Variants in ABL1 observed in about 807,000 individuals in gnomAD.
The protein encoded by ABL1 is tyrosine-protein kinase ABL1.
A neutral mutation model predicts 94.7 loss-of-function variants in ABL1; 11 were observed. The ratio of observed to expected loss-of-function variants is 0.12; its 90% CI spans 0.07 to 0.19. The LOEUF (loss-of-function observed/expected upper bound fraction) is 0.19, where lower values mean the gene tolerates loss of function less well. Among genes scored for constraint, ABL1 ranks in the 10% least tolerant of loss-of-function variants. The pLI, the probability that ABL1 is intolerant of heterozygous loss-of-function variation, is 1.00. For missense variants in ABL1, 1,082 were observed against 1,489.4 expected, an observed-to-expected ratio of 0.73 and a Z score of 4.50; for synonymous variants, 656 against 622.4, an observed-to-expected ratio of 1.05 and a Z score of -0.80.
chr9:130,742,360 T>C (rs1831830987), intron 1 of ABL1, among the ~76,000 whole-genome samples: 1 of 152,158 alleles, frequency 6.6e-6, no homozygotes, highest in Non-Finnish European at 1.5e-5. Context: ...TTTTTCTCCA[T>C]TGGCTAGAAG....
intron 1 of ABL1, among the ~76,000 whole-genome samples, chr9:130,794,001 G>C (rs1829941894): frequency 6.6e-6 from 1 of 152,100 alleles, no homozygotes; most frequent in Non-Finnish European, 1.5e-5. Flanking sequence ...CTAGTTGCAG[G>C]AAAACAAGCT....
intron 1 of ABL1, among the ~76,000 whole-genome samples, chr9:130,717,870 G>A (rs181868670): frequency 1.4e-4 from 21 of 152,018 alleles, no homozygotes; most frequent in East Asian, 7.7e-4. Flanking sequence ...AAAATTAGCC[G>A]GGCGTGGTGG....
At chr9:130,747,248 T>G (rs888972541) in intron 1 of ABL1, among the ~76,000 whole-genome samples, 2 of 152,104 alleles carry the variant, frequency 1.3e-5, no homozygotes, top group African/African-American at 4.8e-5. Flanking sequence ...CATGGTGGCA[T>G]GCACCTGTAG....
intron 1 of ABL1, among the ~76,000 whole-genome samples, chr9:130,810,205 A>G (rs1830188969): frequency 2.0e-5 from 3 of 152,150 alleles, no homozygotes; most frequent in African/African-American, 7.2e-5. Context: ...TAAAGACATG[A>G]AAGATGATGG....
At chr9:130,772,097 G>A (rs1474990717) in intron 1 of ABL1, among the ~76,000 whole-genome samples, 1 of 152,150 alleles carries the variant, frequency 6.6e-6, no homozygotes, top group Non-Finnish European at 1.5e-5. Context: ...AACTGCCTTA[G>A]GGAGAATAAT....
intron 1 of ABL1, among the ~76,000 whole-genome samples, chr9:130,769,976 A>G (rs918926658): frequency 6.6e-6 from 1 of 152,164 alleles, no homozygotes; most frequent in Non-Finnish European, 1.5e-5. Context: ...TTCATTCAAT[A>G]TAATGGGTGA....
At chr9:130,737,564 C>T (rs1379757530) in intron 1 of ABL1, among the ~76,000 whole-genome samples, 1 of 152,150 alleles carries the variant, frequency 6.6e-6, no homozygotes, top group Non-Finnish European at 1.5e-5. Context: ...CCACCACACC[C>T]AGCCACCTGG....
intron 1 of ABL1, among the ~76,000 whole-genome samples, chr9:130,850,379 C>T (rs1287667511): frequency 1.3e-5 from 2 of 152,116 alleles, no homozygotes; most frequent in African/African-American, 4.8e-5. Context: ...AGTGGGAATG[C>T]GTAGTGAATG....
chr9:130,715,521 C>T (rs372092868), intron 1 of ABL1, among the ~76,000 whole-genome samples: 203 of 152,198 alleles, frequency 1.3e-3, no homozygotes, highest in African/African-American at 4.6e-3. Context: ...TAAATAAATC[C>T]GGGTGCTTGG....
intron 1 of ABL1, among the ~76,000 whole-genome samples, chr9:130,849,285 G>A (rs1205832018): frequency 6.6e-6 from 1 of 152,112 alleles, no homozygotes; most frequent in African/African-American, 2.4e-5. Flanking sequence ...TGATCACTTA[G>A]GATAAATTCC....
At chr9:130,847,850 G>A (rs1255100821) in intron 1 of ABL1, among the ~76,000 whole-genome samples, 2 of 152,078 alleles carry the variant, frequency 1.3e-5, no homozygotes, top group African/African-American at 4.8e-5. Flanking sequence ...AGCATCTGTC[G>A]ACATGTTCGG....
chr9:130,721,821 T>TTG (rs1491056409), intron 1 of ABL1, among the ~76,000 whole-genome samples: 2 of 92,508 alleles, frequency 2.2e-5, no homozygotes, highest in East Asian at 1.6e-3. Context: ...GGTTTTTTTT[T>TTG]GTTTTTTTTT....
intron 4 of ABL1, among the ~76,000 whole-genome samples, chr9:130,866,389 T>C (rs1831157317): frequency 6.6e-6 from 1 of 152,194 alleles, no homozygotes; most frequent in African/African-American, 2.4e-5. Context: ...TTACTTCCTT[T>C]GCAGTTTGTG....
chr9:130,883,060 C>T (rs1293846851), intron 10 of ABL1, among the ~76,000 whole-genome samples: 4 of 152,134 alleles, frequency 2.6e-5, no homozygotes, highest in Admixed American at 2.6e-4. Context: ...ATCTGATAAC[C>T]GGCTCTGATG....
chr9:130,840,645 T>G (rs981959042), intron 1 of ABL1, among the ~76,000 whole-genome samples: 3 of 152,198 alleles, frequency 2.0e-5, no homozygotes, highest in Non-Finnish European at 4.4e-5. Flanking sequence ...TTCATAGGTT[T>G]GTTTGTTCTT....
At chr9:130,750,168 C>A (rs1414878617) in intron 1 of ABL1, among the ~76,000 whole-genome samples, 3 of 141,108 alleles carry the variant, frequency 2.1e-5, no homozygotes, top group East Asian at 2.0e-4. Context: ...ACAACAGAGA[C>A]CCTGACTCAA....
chr9:130,807,363 C>T (rs992621367), intron 1 of ABL1, among the ~76,000 whole-genome samples: 1 of 151,918 alleles, frequency 6.6e-6, no homozygotes, highest in African/African-American at 2.4e-5. Flanking sequence ...ATTCTCATGC[C>T]TCAGCCTCTT....
At chr9:130,845,835 G>A (rs985777067) in intron 1 of ABL1, among the ~76,000 whole-genome samples, 3 of 151,422 alleles carry the variant, frequency 2.0e-5, no homozygotes, top group Non-Finnish European at 4.4e-5. Context: ...ATTCCAACCC[G>A]GGCAACAAGA....
At chr9:130,804,754 A>C (rs1830103840) in intron 1 of ABL1, among the ~76,000 whole-genome samples, 1 of 152,246 alleles carries the variant, frequency 6.6e-6, no homozygotes, top group Admixed American at 6.5e-5. Flanking sequence ...AATCACGAGA[A>C]GTTAAGCCCA....
Sources: gnomAD v4.1 joint callset for allele counts (sites outside exome capture counted in the v4.1 genomes callset) on GRCh38, gnomAD v4.1.1 for gene constraint, MANE v1.5 for transcripts, NCBI Gene and HGNC (gene_info 2026-07-23, HGNC 2026-07-21) for gene names.